The following GPRC6A variants were observed in gnomAD, a reference collection of about 807,000 sequenced individuals.
The protein encoded by GPRC6A is G protein-coupled receptor class C group 6 member A.
A neutral mutation model predicts 47.0 loss-of-function variants in GPRC6A; 54 were observed. That is an observed-to-expected ratio of 1.15 (90% CI 0.92 to 1.44). The LOEUF is 1.44. Ranked by LOEUF, GPRC6A falls within the 40% of genes most tolerant of loss-of-function variation. The pLI, the probability that GPRC6A is intolerant of heterozygous loss-of-function variation, is 0.00. For synonymous variants in GPRC6A, 347 were observed against 377.1 expected (o/e 0.92, Z 0.93); for missense variants, 1,112 against 1,105.5 (o/e 1.01, Z -0.08).
At chr6:116,816,117 T>A (rs1773197126) in intron 1 of GPRC6A, among the ~76,000 whole-genome samples, 1 of 152,244 alleles carries the variant, frequency 6.6e-6, no homozygotes. Context: ...TCTCATGTCC[T>A]TCTCACATTG....
chr6:116,813,867 A>G (rs979457193), intron 1 of GPRC6A, among the ~76,000 whole-genome samples: 1 of 152,228 alleles, frequency 6.6e-6, no homozygotes, highest in African/African-American at 2.4e-5. Context: ...CACCTGAGAA[A>G]GGGCTAATAT....
intron 2 of GPRC6A, 82 bp from the exon 3 acceptor site, chr6:116,807,288 G>T: frequency 1.3e-6 from 1 of 790,440 alleles, no homozygotes; most frequent in Non-Finnish European, 2.1e-6. Context: ...TTCTTTGATT[G>T]CTGTAAATTT....
At chr6:116,827,220 A>G (rs1773706234) in intron 1 of GPRC6A, among the ~76,000 whole-genome samples, 1 of 152,008 alleles carries the variant, frequency 6.6e-6, no homozygotes, top group Non-Finnish European at 1.5e-5. Flanking sequence ...TTCCCAATAT[A>G]TAGAAGTGAC....
At position 116,824,806 on chromosome 6, in the gene GPRC6A, C is replaced by T. The variant is rs532457607; in HGVS notation, c.194+4014G>A. Among the ~76,000 whole-genome samples, 5 of 152,022 alleles carry T rather than the reference C, an allele frequency of 3.3e-5. No homozygotes were observed. In the South Asian group the frequency reaches 1.0e-3, roughly 32 times the overall value. On this transcript the variant is annotated intron_variant, in intron 1 of 5. Coordinates refer to ENST00000310357, the MANE Select transcript of GPRC6A (RefSeq NM_148963.4). ...CACAATGAAAAAAGAAAACCATAGACCAATATCTCTGATGAACATACATGC... is the reference window on the plus strand; with the variant it reads ...CACAATGAAAAAAGAAAACCATAGATCAATATCTCTGATGAACATACATGC...
At chr6:116,804,437 G>T (rs1387431692) in intron 3 of GPRC6A, among the ~76,000 whole-genome samples, 2 of 152,020 alleles carry the variant, frequency 1.3e-5, no homozygotes, top group East Asian at 3.9e-4. Context: ...ATTGACTAGG[G>T]ACCCTAAATG....
intron 1 of GPRC6A, among the ~76,000 whole-genome samples, chr6:116,826,184 A>G (rs866758854): frequency 2.6e-5 from 4 of 151,908 alleles, no homozygotes; most frequent in South Asian, 2.1e-4. Context: ...AAAGAAAAAT[A>G]GACAAATGGT....
chr6:116,817,077 G>T lies in GPRC6A; in HGVS notation c.195-7460C>A, dbSNP rs367716563. 6.1e-3 allele frequency among the ~76,000 whole-genome samples: 930 copies of T among 152,226 alleles called. 5 individuals are homozygous for T. Among genetic ancestry groups the T allele is most frequent in the Non-Finnish European group, 8.0e-3 (544 of 67,990 alleles). On this transcript the variant is annotated intron_variant, in intron 1 of 5. Transcript: ENST00000310357. ...GCCTGCCTCTGTAGGCTCCACCTCT[G>T]GGGGCAGGGCACAGACAAACAAAAA...
chr6:116,809,665 G>A, intron 1 of GPRC6A, 48 bp from the exon 2 acceptor site: 1 of 1,340,354 alleles, frequency 7.5e-7, no homozygotes, highest in Non-Finnish European at 1.0e-6. Context: ...ACTCTTCTAT[G>A]GACATGGCTG....
Position 116,809,563 on chromosome 6 carries a change from C to T in GPRC6A, c.249G>A (p.Met83Ile). ...CAGGTAAGAGTGTTGAATTGTTGAT[C>T]ATCTCAATGCTGTGTATCATGGCAA... ...QTLAMIHSIE[M>I]INNSTLLPGV... Residue 83 changes from methionine (M) to isoleucine (I), a missense_variant, in exon 2 of 6, where the codon ATG (methionine) becomes ATA (isoleucine). Physicochemically the swap from Met to Ile is conservative, Grantham distance 10. Transcript: ENST00000310357. 6.2e-7 allele frequency: 1 copy of T among 1,612,564 alleles called. No homozygotes were observed. The highest frequency in any genetic ancestry group is 8.5e-7 in the Non-Finnish European group (1 of 1,178,820).
intron 1 of GPRC6A, among the ~76,000 whole-genome samples, chr6:116,813,305 T>C (rs916220507): frequency 1.3e-5 from 2 of 152,044 alleles, no homozygotes; most frequent in Non-Finnish European, 2.9e-5. Flanking sequence ...GCCAAGATAA[T>C]CCTAAGCAAA....
At chr6:116,808,751 G>A (rs539918148) in intron 2 of GPRC6A, among the ~76,000 whole-genome samples, 3 of 152,176 alleles carry the variant, frequency 2.0e-5, no homozygotes, top group African/African-American at 7.2e-5. Context: ...AAAGTAGTGT[G>A]ATTTCAAAAT....
Position 116,806,767 on chromosome 6 carries a change from G to C in GPRC6A, c.938C>G (p.Thr313Ser). The change falls in exon 3 of 6, where the codon ACC (threonine) becomes AGC (serine). Residue 313 changes from threonine (T) to serine (S), a missense_variant. Coordinates refer to ENST00000310357, the MANE Select transcript of GPRC6A (RefSeq NM_148963.4). Reference protein sequence around the residue: ...DNWSTATKITTIPNVKKIGKV... With the variant: ...DNWSTATKITSIPNVKKIGKV... ...GCCAATCTTTTTAACATTAGGAATG[G>C]TGGTAATCTTGGTGGCAGTTGACCA... is the stretch of plus-strand genomic sequence containing the variant. 1 of 1,613,624 alleles carries C rather than the reference G, an allele frequency of 6.2e-7. No homozygotes were observed. The highest frequency in any genetic ancestry group is 1.1e-5 in the South Asian group (1 of 91,070).
chr6:116,820,349 C>T (rs1773420419), intron 1 of GPRC6A, among the ~76,000 whole-genome samples: 1 of 152,044 alleles, frequency 6.6e-6, no homozygotes, highest in Non-Finnish European at 1.5e-5. Flanking sequence ...TCCTCCCTAA[C>T]TCATTTTATG....
chr6:116,815,750 C>T (rs1317966453), intron 1 of GPRC6A, among the ~76,000 whole-genome samples: 1 of 152,176 alleles, frequency 6.6e-6, no homozygotes, highest in Non-Finnish European at 1.5e-5. Flanking sequence ...AATTAAACCA[C>T]ATGCTTCTGA....
At chr6:116,826,725 TATACTAAAGGG>T (rs1391610809) in intron 1 of GPRC6A, among the ~76,000 whole-genome samples, 1 of 151,866 alleles carries the variant, frequency 6.6e-6, no homozygotes, top group Non-Finnish European at 1.5e-5. Flanking sequence ...AGGAAATCAG[TATACTAAAGGG>T]ATACCTGCAC....
chr6:116,828,646 G>A (rs1314852671), intron 1 of GPRC6A, among the ~76,000 whole-genome samples, 174 bp downstream of exon 1: 1 of 152,054 alleles, frequency 6.6e-6, no homozygotes, highest in Admixed American at 6.6e-5. Flanking sequence ...TATACATAGA[G>A]GGCTGTTATA....
rs773092869 is a variant in GPRC6A, at chr6:116,809,575, G to C, written c.237C>G (p.His79Gln). The C allele has an allele frequency of 2.5e-6, 4 of 1,611,634 alleles. No individual in the cohort carries two copies. The highest frequency in any genetic ancestry group is 3.4e-6 in the Non-Finnish European group (4 of 1,178,118). The change falls in exon 2 of 6, where the codon CAC becomes CAG. Residue 79 changes from histidine (H) to glutamine (Q), a missense_variant. Transcript: ENST00000310357. The part of the protein sequence containing the change: ...SVFLQTLAMI[H>Q]SIEMINNSTL... ...TTGAATTGTTGATCATCTCAATGCT[G>C]TGTATCATGGCAAGAGTTTGAAGAA...
intron 4 of GPRC6A, among the ~76,000 whole-genome samples, chr6:116,799,775 G>C (rs1364545839): frequency 6.6e-6 from 1 of 152,144 alleles, no homozygotes; most frequent in African/African-American, 2.4e-5. Context: ...GTAGAAGAAA[G>C]AATGATTGAG....
Position 116,792,839 on chromosome 6 carries a change from T to C in GPRC6A, c.2084A>G (p.Gln695Arg). The change falls in exon 6 of 6, where the codon CAG (glutamine) becomes CGG (arginine). Residue 695 changes from glutamine (Q) to arginine (R), a missense_variant. Transcript: ENST00000310357. ...LLAFSFDPKL[Q>R]KFLKCLYRPI... ...TCTATAGAGGCACTTCAGAAATTTC[T>C]GTAATTTGGGATCAAAGCTGAAGGC... 6.2e-7 allele frequency: 1 copy of C among 1,614,076 alleles called. No individual in the cohort carries two copies. Among genetic ancestry groups the C allele is most frequent in the Admixed American group, 1.7e-5 (1 of 59,986 alleles).
Sources: allele counts gnomAD v4.1 joint callset (sites outside exome capture counted in the v4.1 genomes callset), GRCh38; gene constraint gnomAD v4.1.1; transcripts MANE v1.5; gene names NCBI Gene and HGNC (gene_info 2026-07-23, HGNC 2026-07-21).